PRKAA2: variants seen among roughly 807,000 people sequenced by gnomAD.
The protein encoded by PRKAA2 is protein kinase AMP-activated catalytic subunit alpha 2.
A neutral mutation model predicts 56.3 loss-of-function variants in PRKAA2; 40 were observed. That is an observed-to-expected ratio of 0.71 (90% CI 0.55 to 0.92). The LOEUF is 0.92. Ranked by LOEUF, PRKAA2 falls within the 40% of genes least tolerant of loss-of-function variation. PRKAA2 has a pLI of 0.00. For synonymous variants in PRKAA2, 214 were observed against 234.2 expected (o/e 0.91, Z 0.79); for missense variants, 542 against 686.9 (o/e 0.79, Z 2.36).
chr1:56,646,415 AG>A (rs1376506353), intron 1 of PRKAA2, among the ~76,000 whole-genome samples: 1 of 152,172 alleles, frequency 6.6e-6, no homozygotes, highest in East Asian at 1.9e-4. Flanking sequence ...GTCTTCATGG[AG>A]ATAGGATCCC....
At chr1:56,676,950 CAT>C in intron 2 of PRKAA2, among the ~76,000 whole-genome samples, 1 of 152,238 alleles carries the variant, frequency 6.6e-6, no homozygotes, top group Middle Eastern at 3.4e-3. Flanking sequence ...TAGTCATAAA[CAT>C]AAACAAAATG....
At position 56,707,595 on chromosome 1, in the gene PRKAA2, G is replaced by A. The variant is rs570406612; in HGVS notation, c.1541G>A (p.Gly514Asp). 3.7e-6 allele frequency: 6 copies of A among 1,613,926 alleles called. No homozygotes were observed. The highest frequency in any genetic ancestry group is 5.1e-6 in the Non-Finnish European group (6 of 1,179,928). Residue 514 changes from glycine to aspartate, a missense_variant, in exon 9 of 9, where the codon GGC becomes GAC. By Grantham distance (94) the Gly-to-Asp change is moderately conservative. This residue lies in a region of PRKAA2 where 158 missense variants were observed against 166.1 expected (regional missense o/e 0.95). Transcript: ENST00000371244. ...ACTGCAGAGAGCCATTCACTTTCTG[G>A]CTCTCTCACTGGCTCTTTGACCGGA... ...STTAESHSLS[G>D]SLTGSLTGST...
In PRKAA2 at chr1:56,715,138, T is replaced by A. The variant is rs1023157466; in HGVS notation, c.*7425T>A. The A allele has an allele frequency of 6.6e-6, 1 of 152,194 alleles. No homozygotes were observed. The highest frequency in any genetic ancestry group is 1.5e-5 in the Non-Finnish European group (1 of 68,024). 9.4% of individuals were successfully genotyped at this position (152,194 alleles called of 1,614,324 possible). A position where few individuals can be genotyped will look rare whatever the true frequency, so the allele number is the denominator to read the frequency against. ...GAGTGTTAAATGATATGGGAAGGATTTGTCTTTCATTAACCATATGGAAAA... is the reference window on the plus strand; with the variant it reads ...GAGTGTTAAATGATATGGGAAGGATATGTCTTTCATTAACCATATGGAAAA... On this transcript the variant is annotated 3_prime_UTR_variant, in exon 9 of 9. Coordinates refer to ENST00000371244, the MANE Select transcript of PRKAA2 (RefSeq NM_006252.4).
rs192688763 is a variant in PRKAA2 at position 56,712,208 on chromosome 1, A to G, written c.*4495A>G. 1.3e-5 allele frequency: 2 copies of G among 152,322 alleles called. No individual in the cohort carries two copies. The highest frequency in any genetic ancestry group is 1.9e-4 in the East Asian group (1 of 5,184). 9.4% of individuals were successfully genotyped at this position (152,322 alleles called of 1,614,324 possible). A position where few individuals can be genotyped will look rare whatever the true frequency, so the allele number is the denominator to read the frequency against. On this transcript the variant is annotated 3_prime_UTR_variant, in exon 9 of 9. Transcript: ENST00000371244. ...GCTCTTCATAAAGCTTTAACACCAT[A>G]CAAGTATCCAGCAGTGATCAATTGC...
rs1299120336 is a variant in PRKAA2 at position 56,713,863 on chromosome 1, A to AC, written c.*6150_*6151insC. ...TCCACTGTTCTAAAAAAAAAAAAAA[A>AC]AAAAAACACTAAATTGTGCCTTCTC... On this transcript the variant is annotated 3_prime_UTR_variant, in exon 9 of 9. Transcript: ENST00000371244. The AC allele has an allele frequency of 1.1e-4, 17 of 151,668 alleles. No individual in the cohort carries two copies. The highest frequency in any genetic ancestry group is 7.7e-4 in the East Asian group (4 of 5,168). 9.4% of individuals were successfully genotyped at this position (151,668 alleles called of 1,614,324 possible).
intron 2 of PRKAA2, among the ~76,000 whole-genome samples, chr1:56,681,063 G>A (rs1222005637): frequency 2.6e-5 from 4 of 152,240 alleles, no homozygotes; most frequent in Admixed American, 1.3e-4. Flanking sequence ...ACTGGTGTGA[G>A]ATGGTGTCTC....
chr1:56,690,721 T>C (rs566630971), intron 2 of PRKAA2, among the ~76,000 whole-genome samples: 1 of 152,304 alleles, frequency 6.6e-6, no homozygotes, highest in East Asian at 1.9e-4. Flanking sequence ...GCTGAATGTA[T>C]CCCTGTAGTA....
chr1:56,652,213 A>G (rs1377227576), intron 1 of PRKAA2, among the ~76,000 whole-genome samples: 1 of 151,864 alleles, frequency 6.6e-6, no homozygotes, highest in African/African-American at 2.4e-5. Flanking sequence ...GGGTTTCACC[A>G]TGTTGGCCAG....
intron 6 of PRKAA2, among the ~76,000 whole-genome samples, chr1:56,697,456 C>T (rs1644266251): frequency 6.6e-6 from 1 of 152,076 alleles, no homozygotes; most frequent in Admixed American, 6.6e-5. Context: ...GTATCATTTT[C>T]TTTTCCCAGC....
chr1:56,655,280 A>ATTTTTTTTT (rs1207874046), intron 1 of PRKAA2, among the ~76,000 whole-genome samples: 3 of 93,648 alleles, frequency 3.2e-5, no homozygotes, highest in South Asian at 5.3e-4. Flanking sequence ...ATATATATAT[A>ATTTTTTTTT]TTTTTTTTTT....
chr1:56,678,603 CT>C (rs1057132830), intron 2 of PRKAA2, among the ~76,000 whole-genome samples: 2 of 151,640 alleles, frequency 1.3e-5, no homozygotes, highest in African/African-American at 4.8e-5. Context: ...GATTTTTGTC[CT>C]TTTTTTTCTT....
rs1644395053 is a variant in PRKAA2, at chr1:56,714,804, C to T, written c.*7091C>T. On this transcript the variant is annotated 3_prime_UTR_variant, in exon 9 of 9. Transcript: ENST00000371244. ...TGGATTTTGAATGCAACAAATAAAA[C>T]TGAAAACAGCCATTTGGTTGTGTCA... is the stretch of plus-strand genomic sequence containing the variant. 2.6e-5 allele frequency: 4 copies of T among 151,966 alleles called. No individual in the cohort carries two copies. The highest frequency in any genetic ancestry group is 9.7e-5 in the African/African-American group (4 of 41,378). The allele number at this position is 151,966 out of a possible 1,614,324, so 9.4% of individuals were successfully genotyped here. A position where few individuals can be genotyped will look rare whatever the true frequency, so the allele number is the denominator to read the frequency against.
At chr1:56,693,056 C>T (rs1017373010) in intron 4 of PRKAA2, among the ~76,000 whole-genome samples, 7 of 151,856 alleles carry the variant, frequency 4.6e-5, no homozygotes, top group Admixed American at 1.3e-4. Flanking sequence ...GATAAACATA[C>T]GTGGAAAGGA....
intron 2 of PRKAA2, among the ~76,000 whole-genome samples, chr1:56,678,226 AAAAC>A (rs1339903745): frequency 2.6e-5 from 4 of 152,226 alleles, no homozygotes; most frequent in Admixed American, 2.0e-4. Flanking sequence ...CTTAAAACAA[AAAAC>A]AAACAAACAA....
intron 6 of PRKAA2, among the ~76,000 whole-genome samples, chr1:56,703,400 T>C (rs1187576022): frequency 6.6e-6 from 1 of 152,160 alleles, no homozygotes; most frequent in Non-Finnish European, 1.5e-5. Context: ...AAGAATTACT[T>C]TATATCAAAG....
rs1247090541 is a variant in PRKAA2, at chr1:56,714,651, T to A, written c.*6938T>A. 1 of 152,170 alleles carries A rather than the reference T, an allele frequency of 6.6e-6. No homozygotes were observed. Among genetic ancestry groups the A allele is most frequent in the Non-Finnish European group, 1.5e-5 (1 of 68,008 alleles). 9.4% of individuals were successfully genotyped at this position (152,170 alleles called of 1,614,324 possible). On this transcript the variant is annotated 3_prime_UTR_variant, in exon 9 of 9. Coordinates refer to ENST00000371244, the MANE Select transcript of PRKAA2 (RefSeq NM_006252.4). ...CAGCTCTCAAGACTGTTCACAAATA[T>A]CTGTGGTTGTACAATGTTTTGAACA...
chr1:56,681,086 A>G (rs987058718), intron 2 of PRKAA2, among the ~76,000 whole-genome samples: 2 of 151,886 alleles, frequency 1.3e-5, no homozygotes, highest in African/African-American at 2.4e-5. Flanking sequence ...TGTGGTTTTG[A>G]TTTGCATTTA....
intron 2 of PRKAA2, among the ~76,000 whole-genome samples, 200 bp from the exon 3 acceptor site, chr1:56,691,194 G>A (rs113177848): frequency 1.3e-5 from 2 of 152,304 alleles, no homozygotes; most frequent in African/African-American, 4.8e-5. Context: ...CTAAAGGAAC[G>A]GCCGTGAGCC....
chr1:56,675,890 C>G (rs944890796), intron 2 of PRKAA2, among the ~76,000 whole-genome samples: 10 of 152,058 alleles, frequency 6.6e-5, no homozygotes, highest in African/African-American at 2.4e-4. Flanking sequence ...AGATCAAATA[C>G]TAAATTTATA....
Sources: allele counts gnomAD v4.1 joint callset (sites outside exome capture counted in the v4.1 genomes callset), GRCh38; gene constraint gnomAD v4.1.1; regional missense constraint gnomAD v4.1.1; transcripts MANE v1.5; gene names NCBI Gene and HGNC (gene_info 2026-07-23, HGNC 2026-07-21).